The following PDE4D variants were observed in gnomAD, a reference collection of about 807,000 sequenced individuals.
PDE4D encodes phosphodiesterase 4D.
Under a neutral mutation model 87.4 loss-of-function variants are expected in PDE4D, and 24 were observed. The observed-to-expected ratio is 0.27, with a 90% confidence interval of 0.20 to 0.39. The LOEUF (loss-of-function observed/expected upper bound fraction) is 0.39, where lower values mean the gene tolerates loss of function less well. PDE4D is among the 10% of genes least tolerant of loss of function. PDE4D has a pLI of 1.00. For missense variants in PDE4D, 714 were observed against 1,041.0 expected (o/e 0.69, Z 4.32); for synonymous variants, 384 against 383.2 (o/e 1.00, Z -0.02).
chr5:60,331,178 C>T (rs182469794), intron 1 of PDE4D, among the ~76,000 whole-genome samples: 1 of 152,266 alleles, frequency 6.6e-6, no homozygotes, highest in Admixed American at 6.5e-5. Context: ...AAAATACATG[C>T]ACTTTAGAGC....
At chr5:59,812,257 A>C (rs907679373) in intron 1 of PDE4D, among the ~76,000 whole-genome samples, 1 of 152,196 alleles carries the variant, frequency 6.6e-6, no homozygotes, top group Non-Finnish European at 1.5e-5. Flanking sequence ...ACCGCTTTCA[A>C]GGAGATGCTC....
At chr5:60,265,799 C>T (rs1750144428) in intron 1 of PDE4D, among the ~76,000 whole-genome samples, 1 of 152,192 alleles carries the variant, frequency 6.6e-6, no homozygotes, top group Non-Finnish European at 1.5e-5. Flanking sequence ...TGAGACATCA[C>T]ACCTCCTGCC....
chr5:59,236,421 A>G (rs1354147572), intron 1 of PDE4D, among the ~76,000 whole-genome samples: 1 of 152,204 alleles, frequency 6.6e-6, no homozygotes, highest in Non-Finnish European at 1.5e-5. Context: ...TTAAAAATAC[A>G]GATTCTTAGG....
In PDE4D at chr5:59,949,795, A is replaced by C. The variant is rs139294306; in HGVS notation, c.272+38693T>G. 7.2e-5 allele frequency among the ~76,000 whole-genome samples: 11 copies of C among 152,318 alleles called. No homozygotes were observed. In the East Asian group the frequency reaches 2.1e-3, roughly 29 times the overall value. ...GTTTCTGTATAGACCTGATTTAGGGAGATTTTTATGTTATCTTTCCGGTTT... is the reference window on the plus strand; with the variant it reads ...GTTTCTGTATAGACCTGATTTAGGGCGATTTTTATGTTATCTTTCCGGTTT... On this transcript the variant is annotated intron_variant, in intron 3 of 16. Coordinates refer to the PDE4D transcript ENST00000502484.
At chr5:60,299,019 C>T (rs762108376) in intron 1 of PDE4D, among the ~76,000 whole-genome samples, 2 of 152,182 alleles carry the variant, frequency 1.3e-5, no homozygotes, top group Non-Finnish European at 2.9e-5. Context: ...AAAGTTCATA[C>T]TTTAATATTA....
chr5:60,305,798 TATAA>T (rs1036554825), intron 1 of PDE4D, among the ~76,000 whole-genome samples: 33 of 151,754 alleles, frequency 2.2e-4, no homozygotes, highest in African/African-American at 8.0e-4. Context: ...AATGTGTGTG[TATAA>T]ATATATATAC....
intron 2 of PDE4D, among the ~76,000 whole-genome samples, chr5:60,027,999 T>C (rs1181346714): frequency 1.3e-5 from 2 of 152,208 alleles, no homozygotes; most frequent in Non-Finnish European, 2.9e-5. Flanking sequence ...TGTCCTCTTA[T>C]GGCCTCAACT....
intron 1 of PDE4D, among the ~76,000 whole-genome samples, chr5:59,575,445 T>C (rs1822985226): frequency 1.3e-5 from 2 of 152,180 alleles, no homozygotes; most frequent in Admixed American, 6.5e-5. Flanking sequence ...GAGCTAGTTA[T>C]TAGTTTTGAA....
chr5:59,072,877 A>G (rs1301037073), intron 5 of PDE4D, among the ~76,000 whole-genome samples: 5 of 152,192 alleles, frequency 3.3e-5, no homozygotes, highest in South Asian at 2.1e-4. Flanking sequence ...GACCTGCAAT[A>G]TCTTTTAGGA....
intron 1 of PDE4D, among the ~76,000 whole-genome samples, chr5:59,709,729 G>C (rs1463492764): frequency 6.6e-6 from 1 of 152,196 alleles, no homozygotes; most frequent in Admixed American, 6.6e-5. Flanking sequence ...ACCAAAGGGA[G>C]TAGACGATTT....
intron 1 of PDE4D, among the ~76,000 whole-genome samples, chr5:59,657,643 C>T (rs1744586091): frequency 6.6e-6 from 1 of 152,060 alleles, no homozygotes; most frequent in Non-Finnish European, 1.5e-5. Context: ...TATACTTTAA[C>T]TCAATGAGGA....
intron 1 of PDE4D, among the ~76,000 whole-genome samples, chr5:60,415,695 C>T (rs1742460852): frequency 6.6e-6 from 1 of 152,252 alleles, no homozygotes; most frequent in African/African-American, 2.4e-5. Flanking sequence ...TGAGTCTCCC[C>T]ACACCCCCAC....
chr5:59,402,505 A>G (rs1008305846), intron 1 of PDE4D, among the ~76,000 whole-genome samples: 3 of 152,080 alleles, frequency 2.0e-5, no homozygotes, highest in Non-Finnish European at 2.9e-5. Flanking sequence ...ACAAGTCCCT[A>G]CTCTACAGTT....
intron 1 of PDE4D, among the ~76,000 whole-genome samples, chr5:59,885,658 T>G (rs1750035632): frequency 6.6e-6 from 1 of 152,204 alleles, no homozygotes; most frequent in Admixed American, 6.5e-5. Flanking sequence ...GAATTTACTC[T>G]GTAGAGGCAC....
At chr5:59,487,680 G>C (rs763944850) in intron 1 of PDE4D, among the ~76,000 whole-genome samples, 12 of 151,858 alleles carry the variant, frequency 7.9e-5, no homozygotes, top group Non-Finnish European at 1.2e-4. Flanking sequence ...AAACATGCCG[G>C]AAAGGAGGCT....
At chr5:59,610,509 G>A (rs1035347085) in intron 1 of PDE4D, among the ~76,000 whole-genome samples, 4 of 152,118 alleles carry the variant, frequency 2.6e-5, no homozygotes, top group African/African-American at 7.2e-5. Flanking sequence ...TTTTGGTCTA[G>A]AACAGATTAA....
At chr5:59,939,008 T>C (rs1055930896) in intron 3 of PDE4D, among the ~76,000 whole-genome samples, 2 of 152,212 alleles carry the variant, frequency 1.3e-5, no homozygotes, top group Non-Finnish European at 2.9e-5. Context: ...AGTATGTCAT[T>C]TCCTAGCTGG....
At chr5:60,473,249 GAAGGAAGGA>G (rs1747995823) in intron 1 of PDE4D, among the ~76,000 whole-genome samples, 1 of 151,184 alleles carries the variant, frequency 6.6e-6, no homozygotes. Flanking sequence ...GGAAGGAAAG[GAAGGAAGGA>G]AGGGAAGGAA....
chr5:59,099,846 C>T (rs955373084), intron 5 of PDE4D, among the ~76,000 whole-genome samples: 3 of 152,200 alleles, frequency 2.0e-5, no homozygotes, highest in Non-Finnish European at 4.4e-5. Flanking sequence ...TCAGACTCCA[C>T]CCAGCTGCAT....
Sources: allele counts gnomAD v4.1 joint callset (sites outside exome capture counted in the v4.1 genomes callset), GRCh38; gene constraint gnomAD v4.1.1; transcripts MANE v1.5; gene names NCBI Gene and HGNC (gene_info 2026-07-23, HGNC 2026-07-21).